Variants in CRMP1 observed in about 807,000 individuals in gnomAD.
CRMP1 encodes the protein collapsin response mediator protein 1.
Under a neutral mutation model 68.3 loss-of-function variants are expected in CRMP1, and 19 were observed. That is an observed-to-expected ratio of 0.28 (90% confidence interval 0.19 to 0.41). The LOEUF (loss-of-function observed/expected upper bound fraction) is 0.41. Among genes scored for constraint, CRMP1 ranks in the 10% least tolerant of loss-of-function variants. CRMP1 has a pLI of 1.00. For missense variants in CRMP1, 791 were observed against 967.4 expected (o/e 0.82, Z 2.42); for synonymous variants, 439 against 399.6 (o/e 1.10, Z -1.18).
Position 5,890,774 on chromosome 4 carries a change from G to A in CRMP1, c.381+1815C>T, listed in dbSNP as rs1255752946. ...CAGCTGCGGGGCTGGCCCAGGCTGC[G>A]CCCTGGGGGAGATGCTGGCGTTGGT... On this transcript the variant is annotated intron_variant, in intron 1 of 13. Transcript: ENST00000324989. The surrounding 1 kb of genome is among the most constrained non-coding windows in gnomAD (Gnocchi z 5.5). Among the ~76,000 whole-genome samples the A allele has an allele frequency of 6.6e-6, 1 of 152,140 alleles. No individual in the cohort carries two copies. The highest frequency in any genetic ancestry group is 2.4e-5 in the African/African-American group (1 of 41,442).
Position 5,854,186 on chromosome 4 carries a change from T to G in CRMP1, c.820+1957A>C, listed in dbSNP as rs918704975. Among the ~76,000 whole-genome samples the G allele has an allele frequency of 6.6e-6, 1 of 152,178 alleles. No homozygotes were observed. The highest frequency in any genetic ancestry group is 6.5e-5 in the Admixed American group (1 of 15,284). ...GAAAGTAAGATACAAGACTGTCAAT[T>G]TCCTTGGATTATGACTCTGTTATGT... is the stretch of plus-strand genomic sequence containing the variant. On this transcript the variant is annotated intron_variant, in intron 4 of 13. Coordinates refer to ENST00000324989, the MANE Select transcript of CRMP1 (RefSeq NM_001014809.3). This position sits in a 1 kb window ranked among gnomAD's most constrained non-coding sequence, Gnocchi z 4.0.
At chr4:5,831,580 G>C (rs1017591454) in intron 11 of CRMP1, among the ~76,000 whole-genome samples, 1 of 152,162 alleles carries the variant, frequency 6.6e-6, no homozygotes, top group Non-Finnish European at 1.5e-5. Context: ...ATGCGGAGGG[G>C]CGGTGCAAGG....
intron 1 of CRMP1, among the ~76,000 whole-genome samples, chr4:5,869,125 A>AT (rs1225783392): frequency 1.3e-5 from 2 of 151,696 alleles, no homozygotes; most frequent in South Asian, 2.1e-4. Flanking sequence ...GCTAATTTAA[A>AT]TTTTTTTTGT....
At position 5,843,767 on chromosome 4, in the gene CRMP1, G is replaced by A. The variant is rs980474410; in HGVS notation, c.964-606C>T. The stretch of plus-strand genomic sequence containing the variant: ...CTCAGCACAAAACCTGGAGCTGAGC[G>A]AGCACACGCTCATTAATTGGCAGCC... On this transcript the variant is annotated intron_variant, in intron 6 of 13. Transcript: ENST00000324989. The surrounding 1 kb of genome is among the most constrained non-coding windows in gnomAD (Gnocchi z 4.1). Among the ~76,000 whole-genome samples the A allele has an allele frequency of 1.4e-4, 22 of 152,226 alleles. No homozygotes were observed. The East Asian group carries it at 3.1e-3, about 21-fold the overall frequency.
chr4:5,854,251 A>T lies in CRMP1; in HGVS notation c.820+1892T>A, dbSNP rs942575400. Among the ~76,000 whole-genome samples the T allele has an allele frequency of 1.3e-5, 2 of 152,204 alleles. No individual in the cohort carries two copies. The highest frequency in any genetic ancestry group is 4.2e-4 in the South Asian group (2 of 4,818). On this transcript the variant is annotated intron_variant, in intron 4 of 13. Coordinates refer to ENST00000324989, the MANE Select transcript of CRMP1 (RefSeq NM_001014809.3). The surrounding 1 kb of genome is among the most constrained non-coding windows in gnomAD (Gnocchi z 4.0). ...ACGCAGCAACTGCAATACAAGGATA[A>T]TGCCTTTTTCTTTTAAAAGATAGGG...
rs1471394995 is a variant in CRMP1, at chr4:5,821,472, G to GA, written c.*287dup. 9.0e-6 allele frequency: 4 copies of GA among 442,676 alleles called. No homozygotes were observed. Among genetic ancestry groups the GA allele is most frequent in the Middle Eastern group, 6.0e-4 (1 of 1,666 alleles). 27.4% of individuals were successfully genotyped at this position (442,676 alleles called of 1,614,324 possible). ...AGCCAGTGGAGTTAGAAGTGGAAGG[G>GA]ACAGAACAAGACAATGCTAAAACCT... On this transcript the variant is annotated 3_prime_UTR_variant, in exon 14 of 14. Coordinates refer to ENST00000324989, the MANE Select transcript of CRMP1 (RefSeq NM_001014809.3). The surrounding 1 kb of genome is among the most constrained non-coding windows in gnomAD (Gnocchi z 4.4).
At chr4:5,832,814 G>A (rs546353472) in intron 11 of CRMP1, among the ~76,000 whole-genome samples, 17 of 152,230 alleles carry the variant, frequency 1.1e-4, no homozygotes, top group African/African-American at 3.9e-4. Context: ...GGGTTGAATC[G>A]TGCTCCCAAA....
chr4:5,841,561 A>G lies in CRMP1; in HGVS notation c.1033-133T>C. 2 of 1,365,340 alleles carry G rather than the reference A, an allele frequency of 1.5e-6. No homozygotes were observed. The highest frequency in any genetic ancestry group is 2.0e-6 in the Non-Finnish European group (2 of 991,878). 84.6% of individuals were successfully genotyped at this position (1,365,340 alleles called of 1,614,324 possible). On this transcript the variant is annotated intron_variant, in intron 7 of 13. Transcript: ENST00000324989. This position sits in a 1 kb window ranked among gnomAD's most constrained non-coding sequence, Gnocchi z 6.9. Reference sequence around the variant, plus strand: ...GAATGAGAAGGACATACTGAGTCCAACAGCGCTTGACAGTGCCCCCTGCTC... The same window carrying G: ...GAATGAGAAGGACATACTGAGTCCAGCAGCGCTTGACAGTGCCCCCTGCTC...
At position 5,833,323 on chromosome 4, in the gene CRMP1, C is replaced by T. The variant is rs1234439678; in HGVS notation, c.1623+2592G>A. Among the ~76,000 whole-genome samples the T allele has an allele frequency of 4.5e-5, 6 of 132,638 alleles. 2 individuals carry two copies. The highest frequency in any genetic ancestry group is 2.9e-4 in the Admixed American group (4 of 13,776). The allele number at this position is 132,638 out of a possible 152,430, so 87.0% of individuals were successfully genotyped here. On this transcript the variant is annotated intron_variant, in intron 11 of 13. Coordinates refer to ENST00000324989, the MANE Select transcript of CRMP1 (RefSeq NM_001014809.3). ...CTGGGACTACAGGCGCCCGCCACTACGCCCGGCTAATTTTTTGTATTTTTA... is the reference window on the plus strand; with the variant it reads ...CTGGGACTACAGGCGCCCGCCACTATGCCCGGCTAATTTTTTGTATTTTTA...
rs765202841 is a variant in CRMP1 at position 5,866,628 on chromosome 4, C to T, written c.470+40G>A. On this transcript the variant is annotated intron_variant, in intron 2 of 13. Transcript: ENST00000324989. This position sits in a 1 kb window ranked among gnomAD's most constrained non-coding sequence, Gnocchi z 5.9. ...TTCCATCTAAGGCCAGGCAGCCTGG[C>T]GACACAGGTTTCTTAAAAGGTCCGT... 2.3e-5 allele frequency: 35 copies of T among 1,495,400 alleles called. No individual in the cohort carries two copies. Among genetic ancestry groups the T allele is most frequent in the African/African-American group, 9.7e-5 (7 of 72,118 alleles). 92.6% of individuals were successfully genotyped at this position (1,495,400 alleles called of 1,614,324 possible).
intron 5 of CRMP1, 126 bp from the exon 6 acceptor site, chr4:5,849,598 A>G: frequency 1.6e-6 from 1 of 631,164 alleles, no homozygotes; most frequent in South Asian, 1.9e-5. Context: ...CTGCAAACAC[A>G]TTCATGTGGA....
In CRMP1 at chr4:5,842,397, G is replaced by T. The variant is rs376197819; in HGVS notation, c.1032+696C>A. Among the ~76,000 whole-genome samples the T allele has an allele frequency of 7.2e-4, 105 of 144,886 alleles. 2 individuals carry two copies. The South Asian group carries it at 0.014, about 19-fold the overall frequency. ...TGAACCGAGATCATACCACTGCACT[G>T]TAGCCTGGGCAACAGAGAGAGACTC... On this transcript the variant is annotated intron_variant, in intron 7 of 13. Transcript: ENST00000324989. The surrounding 1 kb of genome is among the most constrained non-coding windows in gnomAD (Gnocchi z 4.5).
At position 5,866,177 on chromosome 4, in the gene CRMP1, T is replaced by C. The variant is rs1240391210; in HGVS notation, c.470+491A>G. ...AACTCCAGCCCCAATGTCTATCTTTTCTTTAAGTGCCAAGGCTGGGCTTGG... is the reference window on the plus strand; with the variant it reads ...AACTCCAGCCCCAATGTCTATCTTTCCTTTAAGTGCCAAGGCTGGGCTTGG... On this transcript the variant is annotated intron_variant, in intron 2 of 13. Transcript: ENST00000324989. The surrounding 1 kb of genome is among the most constrained non-coding windows in gnomAD (Gnocchi z 5.9). Among the ~76,000 whole-genome samples, 1 of 152,188 alleles carries C rather than the reference T, an allele frequency of 6.6e-6. No homozygotes were observed. The highest frequency in any genetic ancestry group is 1.5e-5 in the Non-Finnish European group (1 of 68,032).
In CRMP1 at chr4:5,866,176, T is replaced by G. The variant is rs1157672771; in HGVS notation, c.470+492A>C. Among the ~76,000 whole-genome samples, 1 of 152,184 alleles carries G rather than the reference T, an allele frequency of 6.6e-6. No homozygotes were observed. The highest frequency in any genetic ancestry group is 1.9e-4 in the East Asian group (1 of 5,184). On this transcript the variant is annotated intron_variant, in intron 2 of 13. Transcript: ENST00000324989. The surrounding 1 kb of genome is among the most constrained non-coding windows in gnomAD (Gnocchi z 5.9). ...AAACTCCAGCCCCAATGTCTATCTT[T>G]TCTTTAAGTGCCAAGGCTGGGCTTG...
chr4:5,883,397 T>A lies in CRMP1; in HGVS notation c.381+9192A>T, dbSNP rs1002551239. Among the ~76,000 whole-genome samples, 1 of 152,044 alleles carries A rather than the reference T, an allele frequency of 6.6e-6. No individual in the cohort carries two copies. The highest frequency in any genetic ancestry group is 1.5e-5 in the Non-Finnish European group (1 of 68,002). ...TCACTGCAACCTCTGCCTCCCAGGT[T>A]CAAGCAATTTCTCCTGCCTCAGCCT... On this transcript the variant is annotated intron_variant, in intron 1 of 13. Transcript: ENST00000324989. This position sits in a 1 kb window ranked among gnomAD's most constrained non-coding sequence, Gnocchi z 4.5.
chr4:5,838,043 G>A lies in CRMP1; in HGVS notation c.1311-1137C>T, dbSNP rs12648949. Among the ~76,000 whole-genome samples the A allele has an allele frequency of 0.38, 58,263 of 151,968 alleles. 11,835 individuals carry two copies. The highest frequency in any genetic ancestry group is 0.57 in the East Asian group (2,941 of 5,158). On this transcript the variant is annotated intron_variant, in intron 9 of 13. Coordinates refer to ENST00000324989, the MANE Select transcript of CRMP1 (RefSeq NM_001014809.3). The surrounding 1 kb of genome is among the most constrained non-coding windows in gnomAD (Gnocchi z 4.9). ...TTCAACCAAAGCAGGTGGGGATGAG[G>A]CGTGCTGGGGACAGGCTGGAGATGC...
intron 13 of CRMP1, chr4:5,824,305 A>C (rs1403991604): frequency 1.0e-6 from 1 of 985,246 alleles, no homozygotes; most frequent in Non-Finnish European, 1.2e-6. Flanking sequence ...CATTCTATTT[A>C]GGGTCCATTT....
intron 1 of CRMP1, among the ~76,000 whole-genome samples, chr4:5,868,290 T>TATATCTATATATAG (rs1714173225): frequency 2.3e-5 from 3 of 131,372 alleles, no homozygotes; most frequent in African/African-American, 9.8e-5. Flanking sequence ...TATATATATA[T>TATATCTATATATAG]ATATATATAT....
chr4:5,822,119 G>A (rs1054770863), intron 13 of CRMP1, among the ~76,000 whole-genome samples: 1 of 152,228 alleles, frequency 6.6e-6, no homozygotes, highest in African/African-American at 2.4e-5. Flanking sequence ...CGACATTCCT[G>A]AGACAGGTGA....
Sources: gnomAD v4.1 joint callset for allele counts (sites outside exome capture counted in the v4.1 genomes callset) on GRCh38, gnomAD v4.1.1 for gene constraint, Gnocchi (gnomAD v3.1) non-coding constraint, MANE v1.5 for transcripts, NCBI Gene and HGNC (gene_info 2026-07-23, HGNC 2026-07-21) for gene names.